Variants in TAF1 observed in about 807,000 individuals in gnomAD.
TAF1 encodes TATA-box binding protein associated factor 1.
TAF1 carries 2 observed loss-of-function variants against 138.5 expected under a neutral mutation model. That is an observed-to-expected ratio of 0.01 (90% confidence interval 0.01 to 0.05). The LOEUF is 0.05. Ranked by LOEUF, TAF1 falls within the 10% of genes least tolerant of loss-of-function variation. The probability of loss-of-function intolerance (pLI) is 1.00; values close to 1 mark genes in which losing one functional copy is unlikely to be tolerated. For missense variants in TAF1, 709 were observed against 1,478.0 expected, an observed-to-expected ratio of 0.48 and a Z score of 8.53; for synonymous variants, 437 against 503.2, an observed-to-expected ratio of 0.87 and a Z score of 1.76.
In TAF1 at chrX:71,379,045, C is replaced by A. The variant is rs1346127378; in HGVS notation, c.1360+14C>A. ...ATGTTCAGCAAGGTGTGCTTCTGTG[C>A]CAGCTGTGTCTAGCAGATACTGCCC... On this transcript the variant is annotated intron_variant, in intron 8 of 37. Transcript: ENST00000423759. 8.3e-7 allele frequency: 1 copy of A among 1,200,030 alleles called. No individual in the cohort carries two copies. The highest frequency in any genetic ancestry group is 2.3e-4 in the Middle Eastern group (1 of 4,309).
chrX:71,468,100 TATAA>T (rs962272449), downstream of TAF1, among the ~76,000 whole-genome samples: 1 of 108,713 alleles, frequency 9.2e-6, no homozygotes, highest in Non-Finnish European at 1.9e-5. Context: ...TTACTAAAAA[TATAA>T]AAATTAGCCG....
chrX:71,383,487 G>A (rs893347650), intron 12 of TAF1, among the ~76,000 whole-genome samples: 1 of 112,092 alleles, frequency 8.9e-6, no homozygotes, highest in African/African-American at 3.2e-5. Context: ...GTTATCTCTG[G>A]GAGATTGGTT....
chrX:71,421,428 G>GGGC, intron 29 of TAF1, 52 bp downstream of exon 29: 1 of 429,769 alleles, frequency 2.3e-6, no homozygotes, highest in Non-Finnish European at 4.3e-6. Context: ...GTGGGGGTGG[G>GGGC]ATATCAGGGT....
intron 34 of TAF1, chrX:71,455,123 C>A: frequency 9.7e-7 from 1 of 1,026,396 alleles, no homozygotes; most frequent in Non-Finnish European, 1.3e-6. Context: ...AATATCAGAT[C>A]CCTGACCCAG....
intron 25 of TAF1, among the ~76,000 whole-genome samples, chrX:71,403,549 G>A (rs2035293274): frequency 1.8e-5 from 2 of 111,468 alleles, no homozygotes; most frequent in African/African-American, 6.5e-5. Context: ...TTGTTAAAGT[G>A]GTGATCCTCA....
At chrX:71,453,030 C>G (rs187044124) in intron 32 of TAF1, among the ~76,000 whole-genome samples, 2,271 of 110,576 alleles carry the variant, frequency 0.021, 59 homozygotes, top group African/African-American at 0.072. Context: ...AGCTTCGGCT[C>G]GGCATCAGAG....
intron 13 of TAF1, among the ~76,000 whole-genome samples, chrX:71,504,597 A>G (rs1167402639): frequency 9.3e-6 from 1 of 107,673 alleles, no homozygotes; most frequent in Non-Finnish European, 1.9e-5. Flanking sequence ...AGAGTAGGCC[A>G]GGCACATTGG....
intron 32 of TAF1, among the ~76,000 whole-genome samples, chrX:71,430,948 T>A (rs1231016795): frequency 9.2e-6 from 1 of 108,320 alleles, no homozygotes; most frequent in Non-Finnish European, 1.9e-5. Flanking sequence ...GTGGGACATC[T>A]AAGTGAAGAC....
intron 3 of TAF1, among the ~76,000 whole-genome samples, chrX:71,374,960 C>A (rs1263582821): frequency 6.4e-5 from 7 of 108,546 alleles, no homozygotes; most frequent in African/African-American, 2.3e-4. Context: ...TGGCACATTC[C>A]TGTAATCCCA....
chrX:71,436,064 T>C lies in TAF1; in HGVS notation c.4753+11826T>C, dbSNP rs1479202809. On this transcript the variant is annotated intron_variant, in intron 32 of 37. Coordinates refer to ENST00000423759, the MANE Select transcript of TAF1 (RefSeq NM_004606.5). The stretch of plus-strand genomic sequence containing the variant: ...TTTTTTTTTTTTTTTTTTTTTTTTT[T>C]TGAAACAAGGTCTTGCTCTGTTGCC... Among the ~76,000 whole-genome samples the C allele has an allele frequency of 3.1e-5, 3 of 96,746 alleles. No individual in the cohort carries two copies. The Admixed American group carries it at 3.4e-4, about 11-fold the overall frequency. The allele number at this position is 96,746 out of a possible 115,157, so 84.0% of individuals were successfully genotyped here.
intron 3 of TAF1, among the ~76,000 whole-genome samples, chrX:71,372,574 G>A (rs1473338014): frequency 1.8e-5 from 2 of 109,278 alleles, no homozygotes; most frequent in African/African-American, 6.7e-5. Flanking sequence ...AGGAGTTGGA[G>A]GTTGCAGTGA....
At chrX:71,420,148 T>G (rs1365034606) in intron 28 of TAF1, 45 of 508,584 alleles carry the variant, frequency 8.8e-5, no homozygotes, top group Non-Finnish European at 1.6e-4. Context: ...GGCCTGCTGT[T>G]AAAACCACTG....
intron 13 of TAF1, among the ~76,000 whole-genome samples, chrX:71,478,976 A>G (rs1224077006): frequency 8.9e-6 from 1 of 112,500 alleles, no homozygotes; most frequent in Non-Finnish European, 1.9e-5. Flanking sequence ...TATGCTAGAA[A>G]AATTCTTGCA....
At chrX:71,509,633 T>G (rs900152649) in intron 13 of TAF1, among the ~76,000 whole-genome samples, 5 of 110,494 alleles carry the variant, frequency 4.5e-5, no homozygotes, top group African/African-American at 1.6e-4. Context: ...AGCCCAAGAG[T>G]TCGAGATCAT....
At chrX:71,446,353 C>T (rs2037697462) in intron 32 of TAF1, among the ~76,000 whole-genome samples, 1 of 112,353 alleles carries the variant, frequency 8.9e-6, no homozygotes, top group Non-Finnish European at 1.9e-5. Context: ...TGTTTCCCTA[C>T]AACCTCTTTA....
intron 13 of TAF1, among the ~76,000 whole-genome samples, chrX:71,514,112 A>G (rs1473003505): frequency 2.7e-5 from 3 of 111,528 alleles, no homozygotes; most frequent in Non-Finnish European, 3.8e-5. Context: ...AAGAGCTGTA[A>G]CACTCACCGT....
intron 32 of TAF1, among the ~76,000 whole-genome samples, chrX:71,436,499 C>T (rs774957619): frequency 2.7e-5 from 3 of 109,190 alleles, no homozygotes; most frequent in East Asian, 5.8e-4. Flanking sequence ...CATGAGCCAC[C>T]GCGCCTGGCC....
intron 14 of TAF1, among the ~76,000 whole-genome samples, chrX:71,529,202 G>T (rs2040057761): frequency 9.1e-6 from 1 of 110,163 alleles, no homozygotes; most frequent in East Asian, 2.8e-4. Flanking sequence ...CTCCCAAGTA[G>T]CTGGGACTAC....
At chrX:71,420,488 G>A in intron 28 of TAF1, 2 of 1,202,929 alleles carry the variant, frequency 1.7e-6, no homozygotes, top group Non-Finnish European at 1.1e-6. Context: ...AGATGGAACG[G>A]GCATCGGCCT....
Sources: gnomAD v4.1 joint callset for allele counts (sites outside exome capture counted in the v4.1 genomes callset) on GRCh38, gnomAD v4.1.1 for gene constraint, MANE v1.5 for transcripts, NCBI Gene and HGNC (gene_info 2026-07-23, HGNC 2026-07-21) for gene names.